The following WWOX variants were observed in gnomAD, a reference collection of about 807,000 sequenced individuals.
The protein encoded by WWOX is WW domain-containing oxidoreductase.
WWOX carries 69 observed loss-of-function variants against 46.2 expected under a neutral mutation model. The ratio of observed to expected loss-of-function variants is 1.49; its 90% confidence interval spans 1.23 to 1.82. The LOEUF (loss-of-function observed/expected upper bound fraction) is 1.82, where lower values mean the gene tolerates loss of function less well. WWOX is among the 40% of genes most tolerant of loss of function. The pLI is 0.00. For synonymous variants in WWOX, 359 were observed against 202.6 expected, an observed-to-expected ratio of 1.77 and a Z score of -6.56; for missense variants, 919 against 542.6, an observed-to-expected ratio of 1.69 and a Z score of -6.89.
intron 8 of WWOX, among the ~76,000 whole-genome samples, chr16:78,957,792 C>T (rs373629075): frequency 2.6e-5 from 4 of 152,170 alleles, no homozygotes; most frequent in Non-Finnish European, 5.9e-5. Context: ...CTCTCTTGTC[C>T]TGTTTTAATC....
intron 5 of WWOX, among the ~76,000 whole-genome samples, chr16:78,203,192 C>T (rs1446370599): frequency 2.0e-5 from 3 of 152,082 alleles, no homozygotes; most frequent in Non-Finnish European, 4.4e-5. Flanking sequence ...TGGCGGAGTT[C>T]ATTTAACCTC....
chr16:78,575,573 C>G (rs1412611162), intron 8 of WWOX, among the ~76,000 whole-genome samples: 1 of 152,050 alleles, frequency 6.6e-6, no homozygotes, highest in Non-Finnish European at 1.5e-5. Flanking sequence ...CATTGGATCT[C>G]CCACATGCCC....
At chr16:78,555,127 T>G (rs913324072) in intron 8 of WWOX, among the ~76,000 whole-genome samples, 51 of 149,728 alleles carry the variant, frequency 3.4e-4, no homozygotes, top group African/African-American at 1.2e-3. Flanking sequence ...TCTTTCTCTC[T>G]GTCTTTTTCT....
intron 8 of WWOX, among the ~76,000 whole-genome samples, chr16:79,090,280 C>CGTGTGTGTGTGT (rs61538157): frequency 1.4e-4 from 19 of 138,376 alleles, no homozygotes; most frequent in East Asian, 2.2e-4. Flanking sequence ...CTACTGTGTG[C>CGTGTGTGTGTGT]GTGTGTGTGT....
intron 1 of WWOX, chr16:78,100,197 G>C: frequency 2.5e-6 from 3 of 1,207,606 alleles, no homozygotes; most frequent in Non-Finnish European, 3.1e-6. Flanking sequence ...TTTAAAAAGC[G>C]CACATGCTCA....
At chr16:78,942,919 C>T (rs1039041557) in intron 8 of WWOX, among the ~76,000 whole-genome samples, 13 of 152,166 alleles carry the variant, frequency 8.5e-5, no homozygotes, top group African/African-American at 2.9e-4. Context: ...CCATCCCCTC[C>T]TCTCTCTCAA....
chr16:78,615,223 A>G (rs1249154321), intron 8 of WWOX, among the ~76,000 whole-genome samples: 1 of 152,178 alleles, frequency 6.6e-6, no homozygotes, highest in Non-Finnish European at 1.5e-5. Flanking sequence ...TTGAAAGGGC[A>G]TCACCACTGT....
chr16:78,819,787 C>A (rs1409148954), intron 8 of WWOX, among the ~76,000 whole-genome samples: 3 of 152,224 alleles, frequency 2.0e-5, no homozygotes, highest in African/African-American at 4.8e-5. Context: ...GCATTTTCAT[C>A]CGTAAACAAA....
chr16:79,107,893 A>G (rs1005735636), intron 8 of WWOX, among the ~76,000 whole-genome samples: 4 of 152,240 alleles, frequency 2.6e-5, no homozygotes, highest in Admixed American at 2.0e-4. Flanking sequence ...ATGAAGTGTC[A>G]TAACTGGGGA....
intron 8 of WWOX, among the ~76,000 whole-genome samples, chr16:79,160,765 T>C (rs563990225): frequency 6.6e-6 from 1 of 152,136 alleles, no homozygotes; most frequent in South Asian, 2.1e-4. Flanking sequence ...GAGAAAAAAA[T>C]GTGATTTGTG....
At chr16:78,198,144 G>C (rs889419) in intron 5 of WWOX, among the ~76,000 whole-genome samples, 92,206 of 151,696 alleles carry the variant, frequency 0.61, 28,425 homozygotes, top group African/African-American at 0.72. Flanking sequence ...TGAGGAGTCT[G>C]GCTCCTGGGG....
At chr16:78,855,364 C>A (rs146255251) in intron 8 of WWOX, among the ~76,000 whole-genome samples, 1 of 151,986 alleles carries the variant, frequency 6.6e-6, no homozygotes, top group African/African-American at 2.4e-5. Flanking sequence ...TGTTAGCTGA[C>A]TAAAATTGTA....
At chr16:78,191,393 A>G (rs1459863541) in intron 5 of WWOX, among the ~76,000 whole-genome samples, 1 of 152,206 alleles carries the variant, frequency 6.6e-6, no homozygotes. Context: ...AAAAAAACAT[A>G]AATCTGCCAA....
chr16:78,735,390 C>G (rs2049064269), intron 8 of WWOX, among the ~76,000 whole-genome samples: 1 of 142,288 alleles, frequency 7.0e-6, no homozygotes, highest in African/African-American at 2.8e-5. Flanking sequence ...ACACACCACA[C>G]ACAAACACAC....
At position 79,211,949 on chromosome 16, in the gene WWOX, T is replaced by G. The variant is rs1275208509; in HGVS notation, c.*153T>G. On this transcript the variant is annotated 3_prime_UTR_variant, in exon 9 of 9. Transcript: ENST00000566780. Reference sequence around the variant, plus strand: ...TCACAACAGAGTGAAAAATCTTAAGTACCAATGGGAAGCAGGGAATTCCTG... The same window carrying G: ...TCACAACAGAGTGAAAAATCTTAAGGACCAATGGGAAGCAGGGAATTCCTG... 6.5e-7 allele frequency: 1 copy of G among 1,536,836 alleles called. No homozygotes were observed. Among genetic ancestry groups the G allele is most frequent in the African/African-American group, 1.4e-5 (1 of 73,126 alleles).
chr16:78,547,209 G>A (rs1412572087), intron 8 of WWOX, among the ~76,000 whole-genome samples: 1 of 150,766 alleles, frequency 6.6e-6, no homozygotes, highest in Non-Finnish European at 1.5e-5. Context: ...CACGGGGATA[G>A]GGTGAGATGA....
intron 8 of WWOX, among the ~76,000 whole-genome samples, chr16:78,672,255 C>T (rs1321616516): frequency 1.3e-5 from 2 of 152,108 alleles, no homozygotes; most frequent in African/African-American, 2.4e-5. Flanking sequence ...AGGTGATAAC[C>T]GTAGCATAAA....
intron 8 of WWOX, among the ~76,000 whole-genome samples, chr16:79,123,381 A>C (rs1412188653): frequency 6.6e-6 from 1 of 152,098 alleles, no homozygotes; most frequent in African/African-American, 2.4e-5. Context: ...ATGCAGATAC[A>C]TTCGTAACTC....
At chr16:78,813,971 A>G (rs1442963986) in intron 8 of WWOX, among the ~76,000 whole-genome samples, 1 of 152,110 alleles carries the variant, frequency 6.6e-6, no homozygotes, top group Non-Finnish European at 1.5e-5. Flanking sequence ...CCAATTCTAT[A>G]GGTTCTATTA....
Sources: allele counts gnomAD v4.1 joint callset (sites outside exome capture counted in the v4.1 genomes callset), GRCh38; gene constraint gnomAD v4.1.1; transcripts MANE v1.5; gene names NCBI Gene and HGNC (gene_info 2026-07-23, HGNC 2026-07-21).